The following CTNNA2 variants were observed in gnomAD, a reference collection of about 807,000 sequenced individuals.
CTNNA2 encodes the protein catenin alpha-2.
A neutral mutation model predicts 101.0 loss-of-function variants in CTNNA2; 42 were observed. The ratio of observed to expected loss-of-function variants is 0.42; its 90% confidence interval spans 0.32 to 0.54. The LOEUF is 0.54. Ranked by LOEUF, CTNNA2 falls within the 20% of genes least tolerant of loss-of-function variation. The pLI is 0.14. For synonymous variants in CTNNA2, 450 were observed against 456.4 expected (o/e 0.99, Z 0.18); for missense variants, 871 against 1,223.1 (o/e 0.71, Z 4.29).
intron 2 of CTNNA2, among the ~76,000 whole-genome samples, chr2:79,235,952 G>A (rs1242493558): frequency 1.3e-5 from 2 of 152,102 alleles, no homozygotes; most frequent in South Asian, 4.1e-4. Context: ...CTGAGTTTAG[G>A]CATAAGCAGG....
chr2:80,632,884 T>C (rs1294174710), intron 18 of CTNNA2, among the ~76,000 whole-genome samples: 1 of 152,216 alleles, frequency 6.6e-6, no homozygotes, highest in Non-Finnish European at 1.5e-5. Context: ...CACAAAAGTA[T>C]ATTGTTATTA....
At chr2:80,574,659 A>T (rs1456389338) in intron 13 of CTNNA2, among the ~76,000 whole-genome samples, 2 of 152,210 alleles carry the variant, frequency 1.3e-5, no homozygotes, top group Non-Finnish European at 2.9e-5. Context: ...GCTGGAAAGA[A>T]ATGAAGATTA....
intron 17 of CTNNA2, among the ~76,000 whole-genome samples, chr2:80,609,859 C>T (rs966985965): frequency 6.6e-6 from 1 of 151,758 alleles, no homozygotes; most frequent in African/African-American, 2.4e-5. Flanking sequence ...CCATCATCCT[C>T]TCAGTACCCA....
chr2:79,263,621 T>G (rs1223913579), intron 2 of CTNNA2, among the ~76,000 whole-genome samples: 1 of 152,170 alleles, frequency 6.6e-6, no homozygotes, highest in Non-Finnish European at 1.5e-5. Flanking sequence ...TGTAAGAAAT[T>G]TAATCCCTAA....
chr2:79,331,313 A>T (rs1394158308), intron 3 of CTNNA2, among the ~76,000 whole-genome samples: 1 of 152,120 alleles, frequency 6.6e-6, no homozygotes, highest in Non-Finnish European at 1.5e-5. Flanking sequence ...TATGGTGTCT[A>T]TGGGATGTTT....
At chr2:79,874,636 G>A (rs911785096) in intron 6 of CTNNA2, among the ~76,000 whole-genome samples, 2 of 152,034 alleles carry the variant, frequency 1.3e-5, no homozygotes, top group Non-Finnish European at 2.9e-5. Context: ...GAGAAACCCC[G>A]TCTCTACTAA....
Position 79,451,338 on chromosome 2 carries a change from A to T in CTNNA2, c.-134-53716A>T, listed in dbSNP as rs114020741. ...AGTGATTGAGAAATTACATTATAAC[A>T]AATAGCCACTATAAATTCAGATACG... On this transcript the variant is annotated intron_variant, in intron 4 of 21. Coordinates refer to the CTNNA2 transcript ENST00000466387. Among the ~76,000 whole-genome samples the T allele has an allele frequency of 4.9e-3, 742 of 152,242 alleles. 10 individuals are homozygous for T. Among genetic ancestry groups the T allele is most frequent in the African/African-American group, 0.017 (698 of 41,564 alleles).
chr2:79,300,227 C>T (rs1433175115), intron 2 of CTNNA2, among the ~76,000 whole-genome samples: 1 of 152,170 alleles, frequency 6.6e-6, no homozygotes, highest in Non-Finnish European at 1.5e-5. Context: ...TGATGTTTTC[C>T]TGTCTCCATA....
chr2:80,466,354 A>T (rs1458753276), intron 9 of CTNNA2, among the ~76,000 whole-genome samples: 1 of 152,180 alleles, frequency 6.6e-6, no homozygotes, highest in African/African-American at 2.4e-5. Flanking sequence ...GTGTCATTCT[A>T]GCTTTTCATT....
chr2:79,497,712 A>G (rs957144230), intron 4 of CTNNA2, among the ~76,000 whole-genome samples: 1 of 152,202 alleles, frequency 6.6e-6, no homozygotes, highest in Non-Finnish European at 1.5e-5. Context: ...CTTAAACTGC[A>G]TATCATCGCT....
chr2:79,942,788 G>T (rs1688244716), intron 7 of CTNNA2, among the ~76,000 whole-genome samples: 1 of 152,046 alleles, frequency 6.6e-6, no homozygotes, highest in Admixed American at 6.6e-5. Context: ...AAATTTTCCT[G>T]CATCCTATCC....
At chr2:79,995,115 G>A (rs1692453424) in intron 7 of CTNNA2, among the ~76,000 whole-genome samples, 3 of 152,116 alleles carry the variant, frequency 2.0e-5, no homozygotes. Context: ...AGCCTTAAAT[G>A]GCATCTGGAG....
intron 7 of CTNNA2, among the ~76,000 whole-genome samples, chr2:79,928,073 G>T (rs971341395): frequency 6.6e-6 from 1 of 152,276 alleles, no homozygotes; most frequent in Non-Finnish European, 1.5e-5. Context: ...ATCTTAAGGG[G>T]TCATTTAGCT....
At chr2:80,595,318 G>T (rs1481388672) in intron 15 of CTNNA2, among the ~76,000 whole-genome samples, 2 of 151,792 alleles carry the variant, frequency 1.3e-5, no homozygotes, top group South Asian at 2.1e-4. Flanking sequence ...GAAACATTTT[G>T]TATCCTGCAA....
chr2:79,649,060 T>C (rs1299890938), intron 1 of CTNNA2, among the ~76,000 whole-genome samples: 1 of 152,140 alleles, frequency 6.6e-6, no homozygotes, highest in African/African-American at 2.4e-5. Flanking sequence ...CCTTCAGGAC[T>C]GAAGGCCCTA....
chr2:80,555,935 G>A (rs371449813), intron 12 of CTNNA2, 42 bp downstream of exon 12: 2 of 1,276,078 alleles, frequency 1.6e-6, no homozygotes, highest in African/African-American at 3.0e-5. Flanking sequence ...TTAATGCCTT[G>A]ATTAGTTTCT....
At chr2:79,602,944 T>G (rs1359487029) in intron 1 of CTNNA2, among the ~76,000 whole-genome samples, 1 of 152,166 alleles carries the variant, frequency 6.6e-6, no homozygotes, top group Non-Finnish European at 1.5e-5. Flanking sequence ...TTTCATAGAC[T>G]GTGGTAAGAC....
intron 4 of CTNNA2, among the ~76,000 whole-genome samples, chr2:79,501,763 C>A (rs761274919): frequency 2.6e-5 from 4 of 152,048 alleles, no homozygotes; most frequent in Non-Finnish European, 4.4e-5. Flanking sequence ...GAATTTACTG[C>A]CTCATCATGT....
intron 4 of CTNNA2, among the ~76,000 whole-genome samples, chr2:79,482,590 A>C (rs946443747): frequency 2.0e-5 from 3 of 152,160 alleles, no homozygotes; most frequent in Non-Finnish European, 1.5e-5. Flanking sequence ...ACACCCAAAA[A>C]TGAGAGCATC....
Sources: allele counts gnomAD v4.1 joint callset (sites outside exome capture counted in the v4.1 genomes callset), GRCh38; gene constraint gnomAD v4.1.1; transcripts MANE v1.5; gene names NCBI Gene and HGNC (gene_info 2026-07-23, HGNC 2026-07-21).